Variants in SPTBN5 observed in about 807,000 individuals in gnomAD.
SPTBN5 encodes the protein spectrin beta, non-erythrocytic 5.
A neutral mutation model predicts 477.6 loss-of-function variants in SPTBN5; 513 were observed. That is an observed-to-expected ratio of 1.07 (90% CI 1.00 to 1.16). The LOEUF (loss-of-function observed/expected upper bound fraction) is 1.16, where lower values mean the gene tolerates loss of function less well. SPTBN5 is among the 50% of genes most tolerant of loss of function. SPTBN5 has a pLI of 0.00. For synonymous variants in SPTBN5, 2,169 were observed against 2,011.7 expected (o/e 1.08, Z -2.09); for missense variants, 5,062 against 4,731.8 (o/e 1.07, Z -2.05).
At chr15:41,853,150 C>T in intron 59 of SPTBN5, 108 bp downstream of exon 59, 2 of 1,487,850 alleles carry the variant, frequency 1.3e-6, no homozygotes, top group Non-Finnish European at 1.8e-6. Context: ...CCTGCCTGCG[C>T]CCAGCCTTCC....
chr15:41,892,712 A>G, intron 3 of SPTBN5, 182 bp downstream of exon 3: 1 of 629,922 alleles, frequency 1.6e-6, no homozygotes, highest in East Asian at 3.1e-5. Context: ...TCTCCAAGTC[A>G]GGGGTGCTGT....
chr15:41,863,226 A>C (rs1188849679), intron 41 of SPTBN5, among the ~76,000 whole-genome samples: 1 of 152,372 alleles, frequency 6.6e-6, no homozygotes, highest in African/African-American at 2.4e-5. Flanking sequence ...ATTTGAGGGC[A>C]GAAGCCAGCG....
chr15:41,868,803 A>T (rs2066430849), intron 32 of SPTBN5, among the ~76,000 whole-genome samples: 1 of 151,662 alleles, frequency 6.6e-6, no homozygotes, highest in African/African-American at 2.4e-5. Flanking sequence ...AGAACCACGA[A>T]CCCCCTACAT....
At chr15:41,862,746 A>G in intron 42 of SPTBN5, 44 bp downstream of exon 42, 1 of 1,546,454 alleles carries the variant, frequency 6.5e-7, no homozygotes, top group Non-Finnish European at 8.7e-7. Context: ...CCAGGGTCCT[A>G]CTCAGGAGAT....
Position 41,863,613 on chromosome 15 carries a change from G to T in SPTBN5, c.7149+91C>A, listed in dbSNP as rs901505860. Reference sequence around the variant, plus strand: ...CCAGCTGAACAGGAGAGGCCAGTGAGGGGGGAGACGCATGGGAGACTCTAG... The same window carrying T: ...CCAGCTGAACAGGAGAGGCCAGTGATGGGGGAGACGCATGGGAGACTCTAG... On this transcript the variant is annotated intron_variant, in intron 41 of 67. Transcript: ENST00000320955. 1.7e-5 allele frequency: 17 copies of T among 997,136 alleles called. No individual in the cohort carries two copies. The East Asian group carries it at 1.9e-4, about 11-fold the overall frequency. 61.8% of individuals were successfully genotyped at this position (997,136 alleles called of 1,614,324 possible).
intron 13 of SPTBN5, 54 bp from the exon 14 acceptor site, chr15:41,880,366 C>G: frequency 2.0e-6 from 3 of 1,525,076 alleles, no homozygotes; most frequent in Admixed American, 4.2e-5. Flanking sequence ...CGACAGGGCT[C>G]TCAGAGCGGG....
intron 25 of SPTBN5, 68 bp downstream of exon 25, chr15:41,873,777 C>A: frequency 6.3e-7 from 1 of 1,583,396 alleles, no homozygotes; most frequent in Non-Finnish European, 8.6e-7. Context: ...CCTGAGAGTC[C>A]CACAGGTGGC....
chr15:41,866,849 C>T, intron 36 of SPTBN5, 110 bp downstream of exon 36: 1 of 1,357,466 alleles, frequency 7.4e-7, no homozygotes, highest in Non-Finnish European at 9.8e-7. Flanking sequence ...TCTGGGAAAG[C>T]CATCCACCCC....
rs768430137 is a variant in SPTBN5, at chr15:41,851,316, C to G, written c.10710G>C (p.Leu3570=). ...CCATCCTCTCATCCAGGAACAGGCT[C>G]AGAGAGCTGCCCTGCAAGTTCCCGC... ...SCRGNLQGSS[L]SLFLDERMAA... is the part of the protein sequence containing the mutation. Residue 3570 remains leucine, a synonymous_variant, in exon 64 of 68, where the codon CTG becomes CTC. Coordinates refer to ENST00000320955, the MANE Select transcript of SPTBN5 (RefSeq NM_016642.4). 1.9e-5 allele frequency: 29 copies of G among 1,551,018 alleles called. No homozygotes were observed. The highest frequency in any genetic ancestry group is 1.7e-4 in the Middle Eastern group (1 of 6,014).
At position 41,876,951 on chromosome 15, in the gene SPTBN5, G is replaced by A; in HGVS notation, c.3712-3C>T. Reference sequence around the variant, plus strand: ...CTCAGGGCCTCCCTCACGTCCTCCTGGGAGTGCAGAGACCTGAGGTCATGC... The same window carrying A: ...CTCAGGGCCTCCCTCACGTCCTCCTAGGAGTGCAGAGACCTGAGGTCATGC... On this transcript the variant is annotated splice_polypyrimidine_tract_variant and splice_region_variant and intron_variant, in intron 18 of 67. Coordinates refer to ENST00000320955, the MANE Select transcript of SPTBN5 (RefSeq NM_016642.4). 6.2e-7 allele frequency: 1 copy of A among 1,604,494 alleles called. No individual in the cohort carries two copies. Among genetic ancestry groups the A allele is most frequent in the Non-Finnish European group, 8.5e-7 (1 of 1,176,682 alleles).
chr15:41,854,179 G>A lies in SPTBN5; in HGVS notation c.9645C>T (p.His3215=), dbSNP rs2065863876. 6.2e-6 allele frequency: 10 copies of A among 1,600,254 alleles called. No homozygotes were observed. The highest frequency in any genetic ancestry group is 1.7e-5 in the Admixed American group (1 of 58,680). The change falls in exon 57 of 68, where the codon CAC becomes CAT. Residue 3215 remains histidine (H), a synonymous_variant. Coordinates refer to ENST00000320955, the MANE Select transcript of SPTBN5 (RefSeq NM_016642.4). ...GCTCAGCTGCTGCCTGCTGAAAGCT[G>A]TGGACCTCATGGGCTGCAGCCAAGT... The part of the protein sequence containing the change: ...TENLAAAHEV[H]SFQQAAAELQ...
chr15:41,867,063 T>C lies in SPTBN5; in HGVS notation c.6376A>G (p.Ile2126Val), dbSNP rs747195698. Residue 2126 changes from isoleucine (I) to valine (V), a missense_variant, in exon 36 of 68, where the codon ATC becomes GTC. Coordinates refer to ENST00000320955, the MANE Select transcript of SPTBN5 (RefSeq NM_016642.4). ...ACTCTCATCCGGCGCTGCAGCAGGATGGGAAGCCGGTCCCGCACCCGGGGG... is the reference window on the plus strand; with the variant it reads ...ACTCTCATCCGGCGCTGCAGCAGGACGGGAAGCCGGTCCCGCACCCGGGGG... ...RRPRVRDRLP[I>V]LLQRRMRVKE... The C allele has an allele frequency of 4.5e-6, 7 of 1,549,706 alleles. No individual in the cohort carries two copies. Among genetic ancestry groups the C allele is most frequent in the Non-Finnish European group, 5.2e-6 (6 of 1,147,904 alleles).
chr15:41,873,826 C>A lies in SPTBN5; in HGVS notation c.4890+19G>T. On this transcript the variant is annotated intron_variant, in intron 25 of 67. Coordinates refer to ENST00000320955, the MANE Select transcript of SPTBN5 (RefSeq NM_016642.4). The stretch of plus-strand genomic sequence containing the variant: ...CTGACTTCTGCCTCTTCCCCCAACC[C>A]CACCTCTCTGCATCCTACCTGCTGG... The A allele has an allele frequency of 1.9e-6, 3 of 1,608,106 alleles. No individual in the cohort carries two copies. The highest frequency in any genetic ancestry group is 2.5e-6 in the Non-Finnish European group (3 of 1,179,738).
At position 41,857,332 on chromosome 15, in the gene SPTBN5, C is replaced by T. The variant is rs1294019406; in HGVS notation, c.8527G>A (p.Ala2843Thr). The T allele has an allele frequency of 5.7e-6, 9 of 1,568,338 alleles. No individual in the cohort carries two copies. Among genetic ancestry groups the T allele is most frequent in the Non-Finnish European group, 7.8e-6 (9 of 1,157,156 alleles). ...EAAVDKKARQAEALLGQAQAF... is the reference protein window; with the variant it reads ...EAAVDKKARQTEALLGQAQAF... ...TGGGCCTGGCCCAGCAGTGCCTCAG[C>T]CTGCCTGGCCTTCTTGTCCACTGCT... The change falls in exon 51 of 68, where the codon GCT (alanine) becomes ACT (threonine). Residue 2843 changes from alanine (A) to threonine (T), a missense_variant. By Grantham distance (58) the Ala-to-Thr change is moderately conservative (BLOSUM62 0). Coordinates refer to ENST00000320955, the MANE Select transcript of SPTBN5 (RefSeq NM_016642.4).
In SPTBN5 at chr15:41,862,051, A is replaced by G. The variant is rs1024575588; in HGVS notation, c.7548+79T>C. ...CAGGGCGGGACACTCAGGAGGCCCA[A>G]GAGCAAGGAGATGAGAGGAAGGGGA... On this transcript the variant is annotated intron_variant, in intron 44 of 67. Transcript: ENST00000320955. 5 of 1,506,324 alleles carry G rather than the reference A, an allele frequency of 3.3e-6. No homozygotes were observed. In the African/African-American group the frequency reaches 4.2e-5, roughly 13 times the overall value. 93.3% of individuals were successfully genotyped at this position (1,506,324 alleles called of 1,614,324 possible). A position where few individuals can be genotyped will look rare whatever the true frequency, so the allele number is the denominator to read the frequency against.
intron 22 of SPTBN5, 26 bp from the exon 23 acceptor site, chr15:41,875,082 T>C: frequency 6.3e-7 from 1 of 1,588,604 alleles, no homozygotes; most frequent in Non-Finnish European, 8.6e-7. Context: ...GGAGCTGCAT[T>C]AGGTTCTCTG....
At chr15:41,888,134 G>A (rs2067211910) in intron 4 of SPTBN5, 49 bp from the exon 5 acceptor site, 4 of 1,529,170 alleles carry the variant, frequency 2.6e-6, no homozygotes. Context: ...GGGTGGGGAG[G>A]CAGAGAGCCT....
intron 63 of SPTBN5, 100 bp from the exon 64 acceptor site, chr15:41,851,469 G>A: frequency 2.2e-6 from 2 of 906,548 alleles, no homozygotes; most frequent in South Asian, 1.6e-5. Flanking sequence ...CCCAGGAAAA[G>A]CGGTGGATTG....
Position 41,848,466 on chromosome 15 carries a change from G to A in SPTBN5, c.*150C>T, listed in dbSNP as rs2065628685. On this transcript the variant is annotated 3_prime_UTR_variant, in exon 68 of 68. Coordinates refer to ENST00000320955, the MANE Select transcript of SPTBN5 (RefSeq NM_016642.4). ...CATGGTAGGACCCATCTAACCAGAA[G>A]GAACTGTCTATTCCAGAAGCTGGGC... The A allele has an allele frequency of 6.8e-6, 6 of 886,494 alleles. No homozygotes were observed. The South Asian group carries it at 6.8e-5, about 10-fold the overall frequency. 54.9% of individuals were successfully genotyped at this position (886,494 alleles called of 1,614,324 possible).
Sources: gnomAD v4.1 joint callset for allele counts (sites outside exome capture counted in the v4.1 genomes callset) on GRCh38, gnomAD v4.1.1 for gene constraint, MANE v1.5 for transcripts, NCBI Gene and HGNC (gene_info 2026-07-23, HGNC 2026-07-21) for gene names.